Variants in MASP2 observed in about 807,000 individuals in gnomAD.
The protein encoded by MASP2 is MBL associated serine protease 2.
In MASP2, 49 loss-of-function variants were observed where a neutral mutation model predicts 57.1. The observed-to-expected ratio is 0.86, with a 90% confidence interval of 0.68 to 1.09. MASP2 has a LOEUF of 1.09. Among genes scored for constraint, MASP2 ranks in the 50% least tolerant of loss-of-function variants. MASP2 has a pLI of 0.00. For synonymous variants in MASP2, 379 were observed against 340.8 expected, an observed-to-expected ratio of 1.11 and a Z score of -1.24; for missense variants, 900 against 874.8, an observed-to-expected ratio of 1.03 and a Z score of -0.36.
rs543359101 is a variant in MASP2, at chr1:11,044,710, G to A, written c.544+698C>T. 3.2e-6 allele frequency: 4 copies of A among 1,236,276 alleles called. No individual in the cohort carries two copies. The East Asian group carries it at 7.7e-5, about 24-fold the overall frequency. The allele number at this position is 1,236,276 out of a possible 1,614,324, so 76.6% of individuals were successfully genotyped here. A position where few individuals can be genotyped will look rare whatever the true frequency, so the allele number is the denominator to read the frequency against. ...ATGGAGGAGGCTCCCACAGACCTGG[G>A]GTTCATGAGGCTGTGAGGAGGGTAG... On this transcript the variant is annotated intron_variant, in intron 4 of 10. Transcript: ENST00000400897.
At chr1:11,041,182 G>A (rs1395333399) in intron 6 of MASP2, among the ~76,000 whole-genome samples, 1 of 149,838 alleles carries the variant, frequency 6.7e-6, no homozygotes, top group Non-Finnish European at 1.5e-5. Flanking sequence ...TGAATTGGAT[G>A]GATGGATGGA....
rs1415551398 is a variant in MASP2 at position 11,043,441 on chromosome 1, G to A, written c.639C>T (p.Tyr213=). Residue 213 remains tyrosine, a synonymous_variant, in exon 5 of 11, where the codon TAC becomes TAT. Coordinates refer to ENST00000400897, the MANE Select transcript of MASP2 (RefSeq NM_006610.4). ...TGAACCCCTCCTCCAGGCTGATGCT[G>A]TAAGTGCAACTGGAGAGTTTGGGAT... ...RPYPKLSSCT[Y]SISLEEGFSV... is the part of the protein sequence containing the mutation. The A allele has an allele frequency of 1.9e-6, 3 of 1,610,758 alleles. No individual in the cohort carries two copies. The highest frequency in any genetic ancestry group is 2.2e-5 in the East Asian group (1 of 44,858).
At position 11,047,190 on chromosome 1, in the gene MASP2, G is replaced by T; in HGVS notation, c.5+13C>A. On this transcript the variant is annotated intron_variant, in intron 1 of 10. Transcript: ENST00000400897. ...CCCCACACCCTGCAGGGAGGCTGTG[G>T]GCGCCCACCTACCTCATGGTGTGCC... The T allele has an allele frequency of 6.4e-7, 1 of 1,561,584 alleles. No homozygotes were observed. The highest frequency in any genetic ancestry group is 1.4e-5 in the African/African-American group (1 of 73,976).
intron 4 of MASP2, chr1:11,045,025 C>A: frequency 6.8e-7 from 1 of 1,465,764 alleles, no homozygotes; most frequent in Non-Finnish European, 9.5e-7. Flanking sequence ...GCAGGGTCAG[C>A]GCCAGCAGGT....
At position 11,030,216 on chromosome 1, in the gene MASP2, C is replaced by T. The variant is rs751592792; in HGVS notation, c.1257G>A (p.Thr419=). 5.0e-5 allele frequency: 81 copies of T among 1,613,420 alleles called. No individual in the cohort carries two copies. The highest frequency in any genetic ancestry group is 1.6e-4 in the Middle Eastern group (1 of 6,074). The change falls in exon 10 of 11, where the codon ACG becomes ACA. Residue 419 remains threonine (T), a synonymous_variant. Coordinates refer to ENST00000400897, the MANE Select transcript of MASP2 (RefSeq NM_006610.4). ...KYVCEADGFW[T]SSKGEKSLPV... ...GGAGTGATTTTTCTCCTTTGGAGCT[C>T]GTCCAGAATCCATCAGCCTCACACA...
chr1:11,030,896 A>G lies in MASP2; in HGVS notation c.1088-14T>C, dbSNP rs1052081272. 6.2e-7 allele frequency: 1 copy of G among 1,609,944 alleles called. No individual in the cohort carries two copies. The highest frequency in any genetic ancestry group is 8.5e-7 in the Non-Finnish European group (1 of 1,178,508). Reference sequence around the variant, plus strand: ...CACAGTCAACAACTAAGAAAGAAGCATGGGAGGGAGGAATCCATTGATCAT... The same window carrying G: ...CACAGTCAACAACTAAGAAAGAAGCGTGGGAGGGAGGAATCCATTGATCAT... On this transcript the variant is annotated splice_polypyrimidine_tract_variant and intron_variant, in intron 8 of 10. Coordinates refer to ENST00000400897, the MANE Select transcript of MASP2 (RefSeq NM_006610.4).
In MASP2 at chr1:11,026,801, A is replaced by T; in HGVS notation, c.*84T>A. On this transcript the variant is annotated 3_prime_UTR_variant, in exon 11 of 11. Coordinates refer to ENST00000400897, the MANE Select transcript of MASP2 (RefSeq NM_006610.4). ...AACAACTGCCATGTCCACAGTAATG[A>T]TGAATGCTTCTCGAGCCACGTCGCT... 8.2e-7 allele frequency: 1 copy of T among 1,212,788 alleles called. No individual in the cohort carries two copies. The highest frequency in any genetic ancestry group is 1.1e-6 in the Non-Finnish European group (1 of 891,172). The allele number at this position is 1,212,788 out of a possible 1,614,324, so 75.1% of individuals were successfully genotyped here. A position where few individuals can be genotyped will look rare whatever the true frequency, so the allele number is the denominator to read the frequency against.
rs765978330 is a variant in MASP2, at chr1:11,030,218, T to TGTGAG, written c.1254_1255insCTCAC (p.Thr419LeufsTer45). The TGTGAG allele has an allele frequency of 2.9e-5, 46 of 1,613,856 alleles. No individual in the cohort carries two copies. The highest frequency in any genetic ancestry group is 3.3e-4 in the Middle Eastern group (2 of 6,056). On this transcript the variant is annotated frameshift_variant, in exon 10 of 11. Transcript: ENST00000400897. LOFTEE classifies it low-confidence loss of function (END_TRUNC). Reference sequence around the variant, plus strand: ...AGTGATTTTTCTCCTTTGGAGCTCGTCCAGAATCCATCAGCCTCACACACA... The same window carrying TGTGAG: ...AGTGATTTTTCTCCTTTGGAGCTCGTGTGAGCCAGAATCCATCAGCCTCACACACA...
chr1:11,039,844 G>T (rs1204345514), intron 6 of MASP2, among the ~76,000 whole-genome samples: 1 of 147,608 alleles, frequency 6.8e-6, no homozygotes. Flanking sequence ...GGATGGGTGG[G>T]TGGGTAGGTA....
In MASP2 at chr1:11,043,144, T is replaced by TG. The variant is rs1638512533; in HGVS notation, c.742-123dup. 2.6e-6 allele frequency: 3 copies of TG among 1,152,354 alleles called. No homozygotes were observed. The South Asian group carries it at 4.3e-5, about 17-fold the overall frequency. The allele number at this position is 1,152,354 out of a possible 1,614,324, so 71.4% of individuals were successfully genotyped here. A position where few individuals can be genotyped will look rare whatever the true frequency, so the allele number is the denominator to read the frequency against. ...AATGAGGCCAACCCAGGCCATGGAT[T>TG]GGGGTGCCCCTCCCCACTCTGCCTC... On this transcript the variant is annotated intron_variant, in intron 5 of 10. Transcript: ENST00000400897.
At chr1:11,030,115 G>C in intron 10 of MASP2, 61 bp downstream of exon 10, 1 of 1,240,382 alleles carries the variant, frequency 8.1e-7, no homozygotes, top group Non-Finnish European at 1.2e-6. Flanking sequence ...TCTCCTCACT[G>C]TCTCCTACCC....
At chr1:11,039,865 AGGATGGATGGAT>A (rs754881060) in intron 6 of MASP2, among the ~76,000 whole-genome samples, 1 of 125,006 alleles carries the variant, frequency 8.0e-6, no homozygotes, top group African/African-American at 3.2e-5. Context: ...GGTGGATAGA[AGGATGGATGGAT>A]GGATGGATGG....
chr1:11,034,268 T>C (rs549718649), intron 8 of MASP2, among the ~76,000 whole-genome samples: 27 of 140,640 alleles, frequency 1.9e-4, no homozygotes, highest in Non-Finnish European at 3.8e-4. Context: ...AAAAACCTTG[T>C]CAAAGAACAT....
Position 11,047,236 on chromosome 1 carries a change from G to A in MASP2, c.-29C>T, listed in dbSNP as rs1187943890. 1 of 1,553,286 alleles carries A rather than the reference G, an allele frequency of 6.4e-7. No homozygotes were observed. Among genetic ancestry groups the A allele is most frequent in the Admixed American group, 1.9e-5 (1 of 52,948 alleles). On this transcript the variant is annotated 5_prime_UTR_variant, in exon 1 of 11. Transcript: ENST00000400897. ...GTGCCCGTCCAGCTGGCCTGGCCTG[G>A]TCTGCAGCCCTACGCTGGTCTCACC...
At chr1:11,028,356 TG>T (rs1643775519) in intron 10 of MASP2, among the ~76,000 whole-genome samples, 1 of 152,216 alleles carries the variant, frequency 6.6e-6, no homozygotes, top group African/African-American at 2.4e-5. Flanking sequence ...TGGGTATTTA[TG>T]TAATCCTAGG....
In MASP2 at chr1:11,027,544, C is replaced by CTG. The variant is rs1389242921; in HGVS notation, c.1400_1401dup (p.Ala468GlnfsTer13). The CTG allele has an allele frequency of 6.2e-7, 1 of 1,614,106 alleles. No individual in the cohort carries two copies. Among genetic ancestry groups the CTG allele is most frequent in the Admixed American group, 1.7e-5 (1 of 60,002 alleles). Reference sequence around the variant, plus strand: ...TTGTCATATAAAAGTGCACCTGCTGCTGTGGTTCCACCTAATATCAGGACT... The same window carrying CTG: ...TTGTCATATAAAAGTGCACCTGCTGCTGTGTGGTTCCACCTAATATCAGGACT... On this transcript the variant is annotated frameshift_variant, in exon 11 of 11. Coordinates refer to ENST00000400897, the MANE Select transcript of MASP2 (RefSeq NM_006610.4). LOFTEE classifies it low-confidence loss of function (END_TRUNC).
chr1:11,030,370 AAGAAC>A, intron 9 of MASP2, 120 bp from the exon 10 acceptor site: 1 of 681,750 alleles, frequency 1.5e-6, no homozygotes, highest in Non-Finnish European at 2.5e-6. Flanking sequence ...GAGGTGTCTG[AAGAAC>A]CATTTTACAT....
At chr1:11,029,423 C>T (rs978769964) in intron 10 of MASP2, among the ~76,000 whole-genome samples, 10 of 151,318 alleles carry the variant, frequency 6.6e-5, no homozygotes, top group Admixed American at 1.3e-4. Context: ...AATAATTCTA[C>T]TCAACTATTA....
Position 11,030,803 on chromosome 1 carries a change from T to C in MASP2, c.1167A>G (p.Lys389=), listed in dbSNP as rs562047685. 69 of 1,614,074 alleles carry C rather than the reference T, an allele frequency of 4.3e-5. No individual in the cohort carries two copies. The South Asian group carries it at 7.1e-4, about 17-fold the overall frequency. Residue 389 remains lysine (K), a synonymous_variant, in exon 9 of 11, where the codon AAA becomes AAG. Coordinates refer to ENST00000400897, the MANE Select transcript of MASP2 (RefSeq NM_006610.4). ...YITGPGVTTY[K]AVIQYSCEET... Reference sequence around the variant, plus strand: ...CTTCACAGCTGTACTGAATCACAGCTTTGTAGGTGGTCACTCCAGGACCTG... The same window carrying C: ...CTTCACAGCTGTACTGAATCACAGCCTTGTAGGTGGTCACTCCAGGACCTG...
Sources: gnomAD v4.1 joint callset for allele counts (sites outside exome capture counted in the v4.1 genomes callset) on GRCh38, gnomAD v4.1.1 for gene constraint, MANE v1.5 for transcripts, NCBI Gene and HGNC (gene_info 2026-07-23, HGNC 2026-07-21) for gene names.